Variants in MTM1 observed in about 807,000 individuals in gnomAD.
The protein encoded by MTM1 is myotubularin 1.
A neutral mutation model predicts 52.1 loss-of-function variants in MTM1; 9 were observed. The observed-to-expected ratio is 0.17, with a 90% CI of 0.10 to 0.30. The LOEUF (loss-of-function observed/expected upper bound fraction) is 0.30. MTM1 is among the 10% of genes least tolerant of loss of function. The pLI is 1.00. For synonymous variants in MTM1, 136 were observed against 163.8 expected, an observed-to-expected ratio of 0.83 and a Z score of 1.29; for missense variants, 277 against 470.7, an observed-to-expected ratio of 0.59 and a Z score of 3.81.
At chrX:150,570,836 C>G (rs1192753645) in intron 1 of MTM1, among the ~76,000 whole-genome samples, 1 of 112,067 alleles carries the variant, frequency 8.9e-6, no homozygotes, top group Non-Finnish European at 1.9e-5. Context: ...CAAGAGTGCT[C>G]GCTAATAAAA....
chrX:150,640,503 T>C (rs1264859373), intron 7 of MTM1, among the ~76,000 whole-genome samples: 2 of 111,644 alleles, frequency 1.8e-5, no homozygotes, highest in Non-Finnish European at 3.8e-5. Context: ...CACTTTTGTG[T>C]GTGTATCTGT....
At chrX:150,634,654 C>A (rs1557413660) in intron 6 of MTM1, among the ~76,000 whole-genome samples, 3 of 110,728 alleles carry the variant, frequency 2.7e-5, no homozygotes, top group African/African-American at 9.9e-5. Context: ...TAGTACGGAT[C>A]TAGTGAATTG....
At chrX:150,659,533 A>G in intron 11 of MTM1, 131 bp from the exon 12 acceptor site, 1 of 524,763 alleles carries the variant, frequency 1.9e-6, no homozygotes, top group Non-Finnish European at 3.4e-6. Context: ...GGAAGTATAT[A>G]TTATTTCCTC....
intron 1 of MTM1, among the ~76,000 whole-genome samples, chrX:150,568,992 C>T (rs1453903271): frequency 8.8e-6 from 1 of 113,588 alleles, no homozygotes; most frequent in Non-Finnish European, 1.9e-5. Flanking sequence ...ACTGCCTGGA[C>T]TTTGCTTCCC....
At chrX:150,590,276 G>A (rs1254637145) in intron 1 of MTM1, among the ~76,000 whole-genome samples, 4 of 112,182 alleles carry the variant, frequency 3.6e-5, no homozygotes, top group East Asian at 2.8e-4. Flanking sequence ...TGGATTTCTC[G>A]GATGTATACT....
At chrX:150,584,825 T>G (rs1211042630) in intron 1 of MTM1, among the ~76,000 whole-genome samples, 1 of 111,743 alleles carries the variant, frequency 8.9e-6, no homozygotes, top group Admixed American at 9.5e-5. Flanking sequence ...CTTTCAGTCC[T>G]CTATAGATTA....
chrX:150,640,729 G>T (rs1375659800), intron 7 of MTM1, among the ~76,000 whole-genome samples: 2 of 111,757 alleles, frequency 1.8e-5, no homozygotes, highest in East Asian at 2.8e-4. Context: ...CTCATCGGAG[G>T]TGGCGAAATG....
chrX:150,631,667 C>CAAAAAA (rs34042424), intron 6 of MTM1, among the ~76,000 whole-genome samples: 18 of 35,451 alleles, frequency 5.1e-4, no homozygotes, highest in Non-Finnish European at 6.6e-4. Flanking sequence ...ACTCCATCTC[C>CAAAAAA]AAAAAAAAAA....
chrX:150,601,268 C>A (rs1557412738), intron 4 of MTM1, among the ~76,000 whole-genome samples: 1 of 111,377 alleles, frequency 9.0e-6, no homozygotes. Flanking sequence ...CAATTGGCCA[C>A]AACATTTAGT....
intron 3 of MTM1, 169 bp downstream of exon 3, chrX:150,596,739 T>C: frequency 6.8e-6 from 3 of 442,767 alleles, no homozygotes; most frequent in Non-Finnish European, 1.2e-5. Flanking sequence ...TAAAGAGTTC[T>C]TTTGAGAGCT....
At chrX:150,667,782 G>A (rs1252404025) in intron 14 of MTM1, among the ~76,000 whole-genome samples, 1 of 112,105 alleles carries the variant, frequency 8.9e-6, no homozygotes, top group Non-Finnish European at 1.9e-5. Context: ...ACTAATGAAA[G>A]CAGCAATCGC....
chrX:150,584,631 C>CT (rs1404626939), intron 1 of MTM1, among the ~76,000 whole-genome samples: 1 of 111,049 alleles, frequency 9.0e-6, no homozygotes, highest in Non-Finnish European at 1.9e-5. Context: ...TTCTAGAAAT[C>CT]TAAGAGACGG....
At chrX:150,568,837 G>C (rs908994690) in intron 1 of MTM1, among the ~76,000 whole-genome samples, 175 bp downstream of exon 1, 2 of 113,321 alleles carry the variant, frequency 1.8e-5, no homozygotes, top group Non-Finnish European at 3.8e-5. Context: ...TCCCCGCGGG[G>C]CAGGGCTGAG....
At chrX:150,642,709 A>G (rs1053538561) in intron 8 of MTM1, among the ~76,000 whole-genome samples, 1 of 111,666 alleles carries the variant, frequency 9.0e-6, no homozygotes, top group Non-Finnish European at 1.9e-5. Context: ...GGGCTAGGGT[A>G]GCCTGGCTCA....
At chrX:150,616,073 T>A (rs782415253) in intron 5 of MTM1, among the ~76,000 whole-genome samples, 242 of 111,394 alleles carry the variant, frequency 2.2e-3, no homozygotes, top group African/African-American at 7.5e-3. Context: ...TTACAGGGTT[T>A]AAAAAAACCT....
At chrX:150,573,957 G>A (rs1454097454) in intron 1 of MTM1, among the ~76,000 whole-genome samples, 1 of 111,672 alleles carries the variant, frequency 9.0e-6, no homozygotes, top group Non-Finnish European at 1.9e-5. Flanking sequence ...GGGCGCTGCG[G>A]TTAACACGGG....
intron 1 of MTM1, among the ~76,000 whole-genome samples, chrX:150,585,196 G>A (rs1264841396): frequency 9.0e-6 from 1 of 111,605 alleles, no homozygotes; most frequent in African/African-American, 3.3e-5. Context: ...CCCTGCTTCT[G>A]CCTTCAAATG....
chrX:150,666,316 CTT>C (rs2040303169), intron 14 of MTM1, among the ~76,000 whole-genome samples: 1 of 112,214 alleles, frequency 8.9e-6, no homozygotes. Flanking sequence ...AGCCCAATAA[CTT>C]CTATATATTT....
chrX:150,634,693 A>G (rs2039726950), intron 6 of MTM1, among the ~76,000 whole-genome samples: 1 of 111,683 alleles, frequency 9.0e-6, no homozygotes, highest in South Asian at 3.7e-4. Flanking sequence ...AAATACTAAT[A>G]TAGAGCAAAA....
Sources: allele counts gnomAD v4.1 joint callset (sites outside exome capture counted in the v4.1 genomes callset), GRCh38; gene constraint gnomAD v4.1.1; transcripts MANE v1.5; gene names NCBI Gene and HGNC (gene_info 2026-07-23, HGNC 2026-07-21).